The following KIRREL1 variants were observed in gnomAD, a reference collection of about 807,000 sequenced individuals.
KIRREL1 encodes kirre like nephrin family adhesion molecule 1.
KIRREL1 carries 25 observed loss-of-function variants against 83.3 expected under a neutral mutation model. The ratio of observed to expected loss-of-function variants is 0.30; its 90% CI spans 0.22 to 0.42. The LOEUF is 0.42. KIRREL1 is among the 10% of genes least tolerant of loss of function. The probability of loss-of-function intolerance (pLI) is 1.00; values close to 1 mark genes in which losing one functional copy is unlikely to be tolerated. For synonymous variants in KIRREL1, 388 were observed against 410.4 expected, an observed-to-expected ratio of 0.95 and a Z score of 0.66; for missense variants, 812 against 1,032.3, an observed-to-expected ratio of 0.79 and a Z score of 2.92.
rs567423342 is a variant in KIRREL1, at chr1:158,096,935, A to G, written c.*1815A>G. 2.2e-6 allele frequency: 1 copy of G among 456,772 alleles called. No homozygotes were observed. The highest frequency in any genetic ancestry group is 2.0e-5 in the African/African-American group (1 of 50,194). The allele number at this position is 456,772 out of a possible 1,614,324, so 28.3% of individuals were successfully genotyped here. A position where few individuals can be genotyped will look rare whatever the true frequency, so the allele number is the denominator to read the frequency against. On this transcript the variant is annotated 3_prime_UTR_variant, in exon 15 of 15. Coordinates refer to ENST00000359209, the MANE Select transcript of KIRREL1 (RefSeq NM_018240.7). Reference sequence around the variant, plus strand: ...AATGAGTTACATGCTTATCAGCCACAGGCCATTACCACCCTTATGGATGGG... The same window carrying G: ...AATGAGTTACATGCTTATCAGCCACGGGCCATTACCACCCTTATGGATGGG...
chr1:158,094,120 G>A lies in KIRREL1; in HGVS notation c.1720-193G>A, dbSNP rs1662283622. ...ACATTACATGTTAGCAACCAAACTAGTGCTCGAACCAAGGTCTCTGGCCTC... is the reference window on the plus strand; with the variant it reads ...ACATTACATGTTAGCAACCAAACTAATGCTCGAACCAAGGTCTCTGGCCTC... On this transcript the variant is annotated intron_variant, in intron 13 of 14. Transcript: ENST00000359209. The surrounding 1 kb of genome is among the most constrained non-coding windows in gnomAD (Gnocchi z 4.6). Among the ~76,000 whole-genome samples, 1 of 152,212 alleles carries A rather than the reference G, an allele frequency of 6.6e-6. No homozygotes were observed. The highest frequency in any genetic ancestry group is 2.4e-5 in the African/African-American group (1 of 41,458).
At chr1:158,016,355 A>G (rs1280883162) in intron 1 of KIRREL1, among the ~76,000 whole-genome samples, 1 of 152,200 alleles carries the variant, frequency 6.6e-6, no homozygotes, top group Non-Finnish European at 1.5e-5. Flanking sequence ...TAAGTAAACA[A>G]ATAATACAAA....
chr1:158,032,287 G>A (rs1201119611), intron 1 of KIRREL1, among the ~76,000 whole-genome samples: 1 of 152,152 alleles, frequency 6.6e-6, no homozygotes, highest in Non-Finnish European at 1.5e-5. Context: ...GGATAAGGAG[G>A]AGCTGGGCCT....
At chr1:158,011,825 G>T (rs1659696858) in intron 1 of KIRREL1, among the ~76,000 whole-genome samples, 1 of 152,228 alleles carries the variant, frequency 6.6e-6, no homozygotes, top group African/African-American at 2.4e-5. Flanking sequence ...GTGGCCACGA[G>T]GACGTAGTCA....
chr1:158,005,693 A>G (rs1011093421), intron 1 of KIRREL1, among the ~76,000 whole-genome samples: 16 of 152,012 alleles, frequency 1.1e-4, no homozygotes, highest in Middle Eastern at 3.2e-3. Context: ...ATGATTTGGG[A>G]AGGAAGGTAG....
At chr1:158,041,905 G>A (rs759944715) in intron 1 of KIRREL1, among the ~76,000 whole-genome samples, 27 of 152,184 alleles carry the variant, frequency 1.8e-4, no homozygotes, top group Admixed American at 3.9e-4. Context: ...TAGAGATGGC[G>A]AGGAGGGTTA....
At chr1:158,081,943 C>A (rs531585491) in intron 3 of KIRREL1, among the ~76,000 whole-genome samples, 30 of 152,292 alleles carry the variant, frequency 2.0e-4, no homozygotes, top group African/African-American at 7.0e-4. Flanking sequence ...TCTGCCCATC[C>A]AGGATCTTCC....
At chr1:158,011,160 G>A (rs1309597090) in intron 1 of KIRREL1, among the ~76,000 whole-genome samples, 2 of 152,132 alleles carry the variant, frequency 1.3e-5, no homozygotes, top group Non-Finnish European at 1.5e-5. Context: ...ATGGTTTACC[G>A]CCTCCGGAGA....
chr1:158,094,607 G>T lies in KIRREL1; in HGVS notation c.1798-37G>T, dbSNP rs769451622. 6.6e-7 allele frequency: 1 copy of T among 1,514,488 alleles called. No homozygotes were observed. Among genetic ancestry groups the T allele is most frequent in the South Asian group, 1.2e-5 (1 of 82,904 alleles). The allele number at this position is 1,514,488 out of a possible 1,614,324, so 93.8% of individuals were successfully genotyped here. On this transcript the variant is annotated intron_variant, in intron 14 of 14. Transcript: ENST00000359209. The surrounding 1 kb of genome is among the most constrained non-coding windows in gnomAD (Gnocchi z 4.6). ...TGAGACTTGATCCCCACCCAAGAGG[G>T]AACACTGCCTCCATCCTCTTCTCTC...
At chr1:158,056,523 G>A (rs1661067014) in intron 1 of KIRREL1, among the ~76,000 whole-genome samples, 2 of 152,090 alleles carry the variant, frequency 1.3e-5, no homozygotes, top group Non-Finnish European at 2.9e-5. Context: ...TGCCTGGTTG[G>A]GGCTTAGGAA....
At chr1:158,065,880 G>A (rs1661345368) in intron 1 of KIRREL1, among the ~76,000 whole-genome samples, 2 of 152,002 alleles carry the variant, frequency 1.3e-5, no homozygotes, top group Admixed American at 6.6e-5. Context: ...CTTCTCTCTT[G>A]TTCTTTTGTC....
intron 3 of KIRREL1, among the ~76,000 whole-genome samples, chr1:158,081,165 A>G (rs1661842443): frequency 1.0e-5 from 1 of 100,254 alleles, no homozygotes; most frequent in Non-Finnish European, 2.4e-5. Context: ...CTCCAAAACC[A>G]TGGTGATGAG....
intron 1 of KIRREL1, among the ~76,000 whole-genome samples, chr1:158,043,415 C>T (rs943444943): frequency 6.6e-6 from 1 of 152,226 alleles, no homozygotes; most frequent in Non-Finnish European, 1.5e-5. Context: ...GGCTGCACGC[C>T]TCCCTTCCCC....
intron 1 of KIRREL1, among the ~76,000 whole-genome samples, chr1:158,051,847 CT>C (rs1256061459): frequency 1.3e-5 from 2 of 152,228 alleles, no homozygotes; most frequent in African/African-American, 4.8e-5. Context: ...CCTTCACCTC[CT>C]CTTTGGTTAC....
chr1:158,085,773 T>C (rs891997695), intron 4 of KIRREL1, among the ~76,000 whole-genome samples: 1 of 152,166 alleles, frequency 6.6e-6, no homozygotes, highest in Non-Finnish European at 1.5e-5. Context: ...GATCAAGGGT[T>C]CCTGTGACCA....
intron 1 of KIRREL1, among the ~76,000 whole-genome samples, chr1:158,008,158 G>C (rs55788686): frequency 6.6e-6 from 1 of 151,994 alleles, no homozygotes; most frequent in African/African-American, 2.4e-5. Flanking sequence ...CCGGCAGCGA[G>C]GGGGGTGGGG....
chr1:158,003,579 C>T (rs991811774), intron 1 of KIRREL1, among the ~76,000 whole-genome samples: 4 of 152,176 alleles, frequency 2.6e-5, no homozygotes, highest in Non-Finnish European at 5.9e-5. Context: ...CTCCCACACA[C>T]ACACACTCGT....
At chr1:158,005,204 G>A (rs576508499) in intron 1 of KIRREL1, among the ~76,000 whole-genome samples, 3 of 152,228 alleles carry the variant, frequency 2.0e-5, no homozygotes, top group South Asian at 2.1e-4. Flanking sequence ...GATCTTCAAC[G>A]TTCTAATGAG....
At chr1:158,060,807 G>C (rs998092499) in intron 1 of KIRREL1, among the ~76,000 whole-genome samples, 1 of 152,124 alleles carries the variant, frequency 6.6e-6, no homozygotes, top group Non-Finnish European at 1.5e-5. Flanking sequence ...GTGTCCTTCC[G>C]CTCTCATCTT....
Sources: allele counts gnomAD v4.1 joint callset (sites outside exome capture counted in the v4.1 genomes callset), GRCh38; gene constraint gnomAD v4.1.1; non-coding constraint Gnocchi (gnomAD v3.1); transcripts MANE v1.5; gene names NCBI Gene and HGNC (gene_info 2026-07-23, HGNC 2026-07-21).